GPHN: variants seen among roughly 807,000 people sequenced by gnomAD.
GPHN encodes the protein gephyrin.
A neutral mutation model predicts 95.5 loss-of-function variants in GPHN; 17 were observed. The observed-to-expected ratio is 0.18, with a 90% CI of 0.12 to 0.27. The LOEUF is 0.27. GPHN is among the 10% of genes least tolerant of loss of function. The probability of loss-of-function intolerance (pLI) is 1.00; values close to 1 mark genes in which losing one functional copy is unlikely to be tolerated. For missense variants in GPHN, 660 were observed against 978.1 expected (o/e 0.67, Z 4.34); for synonymous variants, 320 against 322.5 (o/e 0.99, Z 0.08).
At chr14:67,280,846 T>TCCCAC in the GPHN span, among the ~76,000 whole-genome samples, 41 of 127,768 alleles carry the variant, frequency 3.2e-4, no homozygotes, top group African/African-American at 1.3e-3. Context: ...CTTCCTTCCT[T>TCCCAC]CCTTCCTTCC....
intron 1 of GPHN, among the ~76,000 whole-genome samples, chr14:66,577,923 G>T (rs1158630652): frequency 1.3e-5 from 2 of 151,952 alleles, no homozygotes; most frequent in Non-Finnish European, 2.9e-5. Flanking sequence ...ATTTTAGACA[G>T]AGGACTGAAA....
At chr14:66,686,878 G>C (rs1223155980) in intron 2 of GPHN, among the ~76,000 whole-genome samples, 1 of 152,058 alleles carries the variant, frequency 6.6e-6, no homozygotes, top group Non-Finnish European at 1.5e-5. Context: ...TATGATATTG[G>C]CTGTGGGTTT....
At chr14:67,719,102 C>G in the GPHN span, among the ~76,000 whole-genome samples, 1 of 152,176 alleles carries the variant, frequency 6.6e-6, no homozygotes. Context: ...AGGGGGACTC[C>G]TCATATCGGA....
At chr14:67,729,823 T>C in the GPHN span, 1 of 477,126 alleles carries the variant, frequency 2.1e-6, no homozygotes, top group African/African-American at 2.0e-5. Flanking sequence ...GCACTATCTG[T>C]TGAAATATAG....
the GPHN span, among the ~76,000 whole-genome samples, chr14:67,544,751 T>G: frequency 1.3e-5 from 2 of 152,202 alleles, no homozygotes; most frequent in Non-Finnish European, 2.9e-5. Flanking sequence ...ATGGATAGAT[T>G]AAACATCAGA....
Position 67,122,112 on chromosome 14 carries a change from A to T in GPHN, c.1627-144A>T, listed in dbSNP as rs574132522. The stretch of plus-strand genomic sequence containing the variant: ...CTATACTTTCAATATTTATTTAAAG[A>T]TCCTTTGGGCATTCACCTTCAAAAT... On this transcript the variant is annotated intron_variant, in intron 16 of 22. Transcript: ENST00000478722. 2.9e-5 allele frequency: 21 copies of T among 728,758 alleles called. No individual in the cohort carries two copies. The African/African-American group carries it at 3.6e-4, about 12-fold the overall frequency. The allele number at this position is 728,758 out of a possible 1,614,324, so 45.1% of individuals were successfully genotyped here. A position where few individuals can be genotyped will look rare whatever the true frequency, so the allele number is the denominator to read the frequency against.
the GPHN span, among the ~76,000 whole-genome samples, chr14:67,552,834 G>A: frequency 2.0e-5 from 3 of 152,004 alleles, no homozygotes; most frequent in African/African-American, 7.2e-5. Context: ...ACCTGGCAGT[G>A]ACAGAGGGTG....
chr14:67,386,407 C>T, the GPHN span: 1 of 152,154 alleles, frequency 6.6e-6, no homozygotes, highest in Non-Finnish European at 1.5e-5. Context: ...TGTATTTTAT[C>T]TGTTGATTAA....
intron 3 of GPHN, among the ~76,000 whole-genome samples, chr14:66,816,416 G>A (rs538150563): frequency 6.6e-6 from 1 of 152,228 alleles, no homozygotes; most frequent in South Asian, 2.1e-4. Context: ...AAACGCTCTT[G>A]AGGAAATACA....
Position 66,916,033 on chromosome 14 carries a change from C to T in GPHN, c.420C>T (p.Leu140=), listed in dbSNP as rs1182303753. ...RPVCGIRGKT[L]IINLPGSKKG... ...TATGTGGAATCAGAGGGAAAACGCT[C>T]ATAATTAACCTGCCAGGTAGCAAGA... Residue 140 remains leucine, a synonymous_variant, in exon 6 of 23, where the codon CTC becomes CTT. Transcript: ENST00000478722. 1.9e-6 allele frequency: 3 copies of T among 1,603,644 alleles called. No homozygotes were observed. The highest frequency in any genetic ancestry group is 2.2e-5 in the South Asian group (2 of 90,858).
At chr14:66,926,980 ATG>A (rs2066515181) in intron 8 of GPHN, among the ~76,000 whole-genome samples, 2 of 152,018 alleles carry the variant, frequency 1.3e-5, no homozygotes, top group African/African-American at 4.8e-5. Flanking sequence ...ATTTATTCCT[ATG>A]TGTTTTCTTT....
the GPHN span, chr14:67,542,064 A>G: frequency 7.2e-7 from 1 of 1,388,774 alleles, no homozygotes; most frequent in Non-Finnish European, 9.6e-7. Context: ...CGTGTGAGAG[A>G]GGGAGAGTTG....
intron 1 of GPHN, among the ~76,000 whole-genome samples, chr14:66,625,612 A>G (rs1255442037): frequency 6.6e-6 from 1 of 152,084 alleles, no homozygotes; most frequent in African/African-American, 2.4e-5. Flanking sequence ...TTACATTTTT[A>G]AATTCCAAGA....
chr14:66,999,970 ATG>A (rs1280495613), intron 9 of GPHN, among the ~76,000 whole-genome samples: 1 of 151,850 alleles, frequency 6.6e-6, no homozygotes. Flanking sequence ...CTTATCTTTA[ATG>A]TCTTAGATTT....
the GPHN span, chr14:67,715,224 A>AAAC: frequency 6.6e-6 from 1 of 151,842 alleles, no homozygotes; most frequent in African/African-American, 2.4e-5. Context: ...TAAAAAATAA[A>AAAC]AGGGGGGGAG....
chr14:66,529,481 A>C (rs556668559), intron 1 of GPHN, among the ~76,000 whole-genome samples: 1 of 152,064 alleles, frequency 6.6e-6, no homozygotes, highest in African/African-American at 2.4e-5. Context: ...CATTAGACTC[A>C]TTATCCGTCC....
chr14:67,724,852 G>T, the GPHN span, among the ~76,000 whole-genome samples: 1 of 152,182 alleles, frequency 6.6e-6, no homozygotes, highest in Non-Finnish European at 1.5e-5. Context: ...TCTAAAAGGA[G>T]ATACTAAGTG....
the GPHN span, among the ~76,000 whole-genome samples, chr14:67,434,400 GT>G: frequency 6.6e-6 from 1 of 152,320 alleles, no homozygotes; most frequent in African/African-American, 2.4e-5. Flanking sequence ...TCTACAAAGT[GT>G]TTGCTGCAGT....
the GPHN span, chr14:67,582,157 A>T: frequency 6.4e-7 from 1 of 1,560,008 alleles, no homozygotes; most frequent in Non-Finnish European, 8.7e-7. The surrounding 1 kb of genome is among the most constrained non-coding windows in gnomAD (Gnocchi z 5.0). Flanking sequence ...AGTGGCAGGG[A>T]GGTTTCCTAT....
Sources: gnomAD v4.1 joint callset for allele counts (sites outside exome capture counted in the v4.1 genomes callset) on GRCh38, gnomAD v4.1.1 for gene constraint, Gnocchi (gnomAD v3.1) non-coding constraint, MANE v1.5 for transcripts, NCBI Gene and HGNC (gene_info 2026-07-23, HGNC 2026-07-21) for gene names.